NRXN3: variants seen among roughly 807,000 people sequenced by gnomAD.
The protein encoded by NRXN3 is neurexin III.
NRXN3 carries 32 observed loss-of-function variants against 137.6 expected under a neutral mutation model. That is an observed-to-expected ratio of 0.23 (90% CI 0.18 to 0.31). The LOEUF (loss-of-function observed/expected upper bound fraction) is 0.31. Ranked by LOEUF, NRXN3 falls within the 10% of genes least tolerant of loss-of-function variation. The probability of loss-of-function intolerance (pLI) is 1.00; values close to 1 mark genes in which losing one functional copy is unlikely to be tolerated. For synonymous variants in NRXN3, 798 were observed against 784.5 expected (o/e 1.02, Z -0.29); for missense variants, 1,574 against 2,062.5 (o/e 0.76, Z 4.59).
At chr14:79,068,751 T>C (rs1325008638) in intron 15 of NRXN3, among the ~76,000 whole-genome samples, 1 of 152,144 alleles carries the variant, frequency 6.6e-6, no homozygotes, top group Non-Finnish European at 1.5e-5. Context: ...TCAATAAATA[T>C]GTAGTTTAAT....
At chr14:79,029,805 T>TG (rs2099604422) in intron 15 of NRXN3, among the ~76,000 whole-genome samples, 1 of 152,014 alleles carries the variant, frequency 6.6e-6, no homozygotes, top group South Asian at 2.1e-4. Flanking sequence ...GATAATTCTT[T>TG]GGGGCAATTG....
chr14:79,696,556 A>G (rs544852549), intron 18 of NRXN3, among the ~76,000 whole-genome samples: 7 of 152,094 alleles, frequency 4.6e-5, no homozygotes, highest in African/African-American at 1.7e-4. Context: ...ATAAATTGCA[A>G]TAAATTTTAA....
intron 10 of NRXN3, among the ~76,000 whole-genome samples, chr14:78,824,399 G>A (rs901299906): frequency 2.6e-5 from 4 of 152,018 alleles, no homozygotes; most frequent in Non-Finnish European, 4.4e-5. Context: ...TCATGATTTG[G>A]GGAAATGCAC....
At chr14:79,819,673 C>T (rs1006127866) in intron 20 of NRXN3, among the ~76,000 whole-genome samples, 4 of 151,642 alleles carry the variant, frequency 2.6e-5, no homozygotes, top group East Asian at 1.9e-4. Flanking sequence ...TTAGTAGAGA[C>T]GGGGTTTCAC....
intron 15 of NRXN3, among the ~76,000 whole-genome samples, chr14:79,411,782 C>A (rs2095420968): frequency 6.6e-6 from 1 of 152,084 alleles, no homozygotes; most frequent in African/African-American, 2.4e-5. Flanking sequence ...AAGTAAATGT[C>A]AAATATATTC....
At chr14:79,850,884 T>C (rs2099390083) in intron 20 of NRXN3, among the ~76,000 whole-genome samples, 1 of 152,212 alleles carries the variant, frequency 6.6e-6, no homozygotes, top group African/African-American at 2.4e-5. Flanking sequence ...ACATGCATTA[T>C]ATTCAGGCTA....
intron 15 of NRXN3, among the ~76,000 whole-genome samples, chr14:79,200,571 C>T (rs76495546): frequency 0.15 from 22,531 of 152,062 alleles, 1,928 homozygotes; most frequent in African/African-American, 0.21. Context: ...AGGTCTCTTA[C>T]AGTCATCACT....
In NRXN3 at chr14:78,228,215, T is replaced by C. The variant is rs1016150076; in HGVS notation, c.-703-14176T>C. ...CTCTGTCGCCCAGGCTGGAGTGTAATGCGTGATCTCCGCTCACTGTAACCT... is the reference window on the plus strand; with the variant it reads ...CTCTGTCGCCCAGGCTGGAGTGTAACGCGTGATCTCCGCTCACTGTAACCT... On this transcript the variant is annotated intron_variant, in intron 1 of 20. Coordinates refer to ENST00000335750, the MANE Select transcript of NRXN3 (RefSeq NM_001330195.2). 5.4e-5 allele frequency among the ~76,000 whole-genome samples: 8 copies of C among 149,328 alleles called. No homozygotes were observed. In the Admixed American group the frequency reaches 5.4e-4, roughly 10 times the overall value.
At chr14:79,697,607 G>A in intron 18 of NRXN3, 23 bp from the exon 19 acceptor site, 1 of 1,602,938 alleles carries the variant, frequency 6.2e-7, no homozygotes, top group Non-Finnish European at 8.5e-7. Flanking sequence ...GAATAATAAT[G>A]TTTCCTCCAC....
intron 4 of NRXN3, among the ~76,000 whole-genome samples, chr14:78,556,514 A>G (rs2152237294): frequency 6.6e-6 from 1 of 152,334 alleles, no homozygotes; most frequent in East Asian, 1.9e-4. Flanking sequence ...GTCATATGTA[A>G]TAGGTTACCA....
intron 15 of NRXN3, among the ~76,000 whole-genome samples, chr14:79,232,310 T>C (rs1027544827): frequency 2.6e-5 from 4 of 152,112 alleles, no homozygotes; most frequent in African/African-American, 9.7e-5. Context: ...CATCCCGATT[T>C]CTTTAATCTA....
At chr14:78,328,399 A>G (rs772625038) in intron 4 of NRXN3, among the ~76,000 whole-genome samples, 1 of 152,194 alleles carries the variant, frequency 6.6e-6, no homozygotes, top group Non-Finnish European at 1.5e-5. Flanking sequence ...GAAGATGTTG[A>G]GTTGCATCAA....
chr14:79,337,390 T>C (rs529517137), intron 15 of NRXN3, among the ~76,000 whole-genome samples: 19 of 152,318 alleles, frequency 1.2e-4, no homozygotes, highest in African/African-American at 4.6e-4. Flanking sequence ...CAAGTGAATG[T>C]AGACTCACAG....
intron 4 of NRXN3, among the ~76,000 whole-genome samples, chr14:78,384,277 G>A (rs1567432730): frequency 6.6e-6 from 1 of 151,996 alleles, no homozygotes; most frequent in Non-Finnish European, 1.5e-5. Context: ...ACGTGTCTAT[G>A]CCTTGGCTGC....
chr14:79,744,419 C>A (rs1172839996), intron 19 of NRXN3, among the ~76,000 whole-genome samples: 2 of 151,900 alleles, frequency 1.3e-5, no homozygotes, highest in Non-Finnish European at 2.9e-5. Flanking sequence ...TGTTTCCTAC[C>A]CCCCAAAAAT....
At chr14:78,279,124 C>CT (rs1254376375) in intron 3 of NRXN3, among the ~76,000 whole-genome samples, 2 of 151,920 alleles carry the variant, frequency 1.3e-5, no homozygotes, top group African/African-American at 4.8e-5. Flanking sequence ...TCAGAAATGT[C>CT]TTTTTCACAA....
chr14:79,143,434 C>T (rs1264212112), intron 15 of NRXN3, among the ~76,000 whole-genome samples: 1 of 152,190 alleles, frequency 6.6e-6, no homozygotes, highest in Non-Finnish European at 1.5e-5. Flanking sequence ...TTGAACTCTC[C>T]AGGCTTGCCT....
At chr14:78,428,600 T>C (rs2093750921) in intron 4 of NRXN3, among the ~76,000 whole-genome samples, 1 of 151,998 alleles carries the variant, frequency 6.6e-6, no homozygotes, top group Admixed American at 6.6e-5. Flanking sequence ...TTAAAAGAAA[T>C]TGGCTCACGT....
intron 4 of NRXN3, among the ~76,000 whole-genome samples, chr14:78,461,368 G>T (rs114876418): frequency 0.021 from 3,124 of 151,650 alleles, 97 homozygotes; most frequent in African/African-American, 0.063. Flanking sequence ...AAGTCTAGGG[G>T]TTTGCTCTGA....
Sources: allele counts gnomAD v4.1 joint callset (sites outside exome capture counted in the v4.1 genomes callset), GRCh38; gene constraint gnomAD v4.1.1; transcripts MANE v1.5; gene names NCBI Gene and HGNC (gene_info 2026-07-23, HGNC 2026-07-21).